Variants in DENND5A observed in about 807,000 individuals in gnomAD.
The protein encoded by DENND5A is DENN domain-containing protein 5A.
In DENND5A, 64 loss-of-function variants were observed where a neutral mutation model predicts 140.3. The ratio of observed to expected loss-of-function variants is 0.46; its 90% CI spans 0.37 to 0.56. DENND5A has a LOEUF of 0.56. Among genes scored for constraint, DENND5A ranks in the 20% least tolerant of loss-of-function variants. The pLI is 0.00. For synonymous variants in DENND5A, 605 were observed against 607.7 expected, an observed-to-expected ratio of 1.00 and a Z score of 0.07; for missense variants, 1,292 against 1,593.8, an observed-to-expected ratio of 0.81 and a Z score of 3.22.
intron 1 of DENND5A, among the ~76,000 whole-genome samples, chr11:9,228,503 C>A (rs577293786): frequency 2.5e-4 from 38 of 152,278 alleles, no homozygotes; most frequent in African/African-American, 8.4e-4. Context: ...AATCCTGGCA[C>A]TTTGGGAGGC....
At chr11:9,239,336 T>C (rs1851137660) in intron 1 of DENND5A, among the ~76,000 whole-genome samples, 2 of 112,560 alleles carry the variant, frequency 1.8e-5, no homozygotes, top group Admixed American at 8.7e-5. Context: ...CTGGCTAAAC[T>C]TTTTTTTTTT....
chr11:9,148,883 G>A (rs1564881795), intron 15 of DENND5A, among the ~76,000 whole-genome samples: 1 of 152,322 alleles, frequency 6.6e-6, no homozygotes, highest in Non-Finnish European at 1.5e-5. Context: ...TGAGAATTGG[G>A]TGAGATCACC....
In DENND5A at chr11:9,170,627, T is replaced by G; in HGVS notation, c.2057A>C (p.Lys686Thr). 1 of 1,613,774 alleles carries G rather than the reference T, an allele frequency of 6.2e-7. No individual in the cohort carries two copies. Among genetic ancestry groups the G allele is most frequent in the Non-Finnish European group, 8.5e-7 (1 of 1,179,948 alleles). Reference protein sequence around the residue: ...DVLSTGPASNKWTKRNAPAQW... With the variant: ...DVLSTGPASNTWTKRNAPAQW... ...TAGTGAATCCCTGGGGTTGACTCAC[T>G]TGTTGCTGGCTGGCCCAGTGGAAAG... Residue 686 changes from lysine (K) to threonine (T), a missense_variant and splice_region_variant, in exon 9 of 23, where the codon AAG becomes ACG. Lys to Thr is a moderately conservative substitution (Grantham distance 78). Around this residue, in one of 4 missense-constraint regions of DENND5A, gnomAD observed 199 missense variants for 189.1 expected, o/e 1.05. Transcript: ENST00000328194.
chr11:9,203,284 T>C (rs1849582727), intron 4 of DENND5A, among the ~76,000 whole-genome samples: 1 of 152,216 alleles, frequency 6.6e-6, no homozygotes, highest in Non-Finnish European at 1.5e-5. Flanking sequence ...TTATCCTTTG[T>C]GAATCCTCAA....
At chr11:9,221,964 G>T (rs10840190) in intron 1 of DENND5A, among the ~76,000 whole-genome samples, 3 of 151,320 alleles carry the variant, frequency 2.0e-5, no homozygotes, top group African/African-American at 7.3e-5. Context: ...TCACAGTGTT[G>T]GCCAGGATGG....
Position 9,196,548 on chromosome 11 carries a change from T to C in DENND5A, c.950-2867A>G, listed in dbSNP as rs140853043. The stretch of plus-strand genomic sequence containing the variant: ...CACACTTCGCTGTACACTCTTCTAA[T>C]GCTGTGAATTTCTACCCTTCATTTT... On this transcript the variant is annotated intron_variant, in intron 4 of 22. Coordinates refer to ENST00000328194, the MANE Select transcript of DENND5A (RefSeq NM_015213.4). 1.2e-4 allele frequency among the ~76,000 whole-genome samples: 19 copies of C among 152,330 alleles called. No homozygotes were observed. The East Asian group carries it at 3.7e-3, about 29-fold the overall frequency.
intron 21 of DENND5A, among the ~76,000 whole-genome samples, chr11:9,142,400 A>G (rs1195485969): frequency 6.6e-6 from 1 of 152,230 alleles, no homozygotes; most frequent in Non-Finnish European, 1.5e-5. Flanking sequence ...TGGGTGCAAC[A>G]CAGGGCTTGG....
intron 1 of DENND5A, among the ~76,000 whole-genome samples, chr11:9,263,281 C>T (rs951451255): frequency 1.3e-5 from 2 of 151,606 alleles, no homozygotes; most frequent in Non-Finnish European, 2.9e-5. Flanking sequence ...CCCAGACTGG[C>T]GCAATCTCAG....
Position 9,230,230 on chromosome 11 carries a change from C to CTT in DENND5A, c.110-22600_110-22599dup, listed in dbSNP as rs71062817. Among the ~76,000 whole-genome samples, 49 of 52,090 alleles carry CTT rather than the reference C, an allele frequency of 9.4e-4. 3 individuals are homozygous for CTT. Among genetic ancestry groups the CTT allele is most frequent in the African/African-American group, 3.2e-3 (35 of 10,988 alleles). 34.2% of individuals were successfully genotyped at this position (52,090 alleles called of 152,430 possible). ...GGCCCCATTTCATGTAAAACTAATG[C>CTT]TTTTTTTTTTTTTTTTTTTTTTTTT... On this transcript the variant is annotated intron_variant, in intron 1 of 22. Coordinates refer to ENST00000328194, the MANE Select transcript of DENND5A (RefSeq NM_015213.4).
In DENND5A at chr11:9,204,228, G is replaced by C. The variant is rs1216977394; in HGVS notation, c.381C>G (p.Gly127=). 1 of 1,613,934 alleles carries C rather than the reference G, an allele frequency of 6.2e-7. No homozygotes were observed. The highest frequency in any genetic ancestry group is 1.7e-5 in the Admixed American group (1 of 59,990). Residue 127 remains glycine (G), a synonymous_variant, in exon 4 of 23, where the codon GGC becomes GGG. Coordinates refer to ENST00000328194, the MANE Select transcript of DENND5A (RefSeq NM_015213.4). The part of the protein sequence containing the change: ...FHAFIITRED[G]SRTFGFALTF... ...TGAGGGCAAACCCAAATGTCCGAGA[G>C]CCATCCTCCCTTGTGATAATAAAGG...
chr11:9,157,743 T>C (rs189288375), intron 12 of DENND5A, among the ~76,000 whole-genome samples: 16 of 152,332 alleles, frequency 1.1e-4, no homozygotes, highest in Admixed American at 7.8e-4. Flanking sequence ...TTGATGGCCA[T>C]TTAGGTTGAT....
chr11:9,243,857 G>C (rs1039070338), intron 1 of DENND5A, among the ~76,000 whole-genome samples: 3 of 152,164 alleles, frequency 2.0e-5, no homozygotes, highest in Admixed American at 6.6e-5. Flanking sequence ...CTGCACTCCA[G>C]CCTGGGCGAC....
At chr11:9,220,539 C>G (rs1182417240) in intron 1 of DENND5A, among the ~76,000 whole-genome samples, 1 of 151,618 alleles carries the variant, frequency 6.6e-6, no homozygotes, top group African/African-American at 2.4e-5. Flanking sequence ...AAGAGCGAAA[C>G]TCTGTCTCAA....
chr11:9,160,641 G>A (rs1847947795), intron 12 of DENND5A, 72 bp downstream of exon 12: 1 of 1,430,632 alleles, frequency 7.0e-7, no homozygotes, highest in Non-Finnish European at 9.6e-7. Flanking sequence ...TGGACAAAAA[G>A]AGTGTGGGAA....
chr11:9,195,324 C>T (rs970110907), intron 4 of DENND5A, among the ~76,000 whole-genome samples: 2 of 152,094 alleles, frequency 1.3e-5, no homozygotes, highest in Admixed American at 6.6e-5. Context: ...GATCCGCCTG[C>T]CTCGGCCTCC....
intron 8 of DENND5A, among the ~76,000 whole-genome samples, chr11:9,177,673 C>G (rs1384823525): frequency 2.1e-5 from 3 of 146,240 alleles, no homozygotes; most frequent in African/African-American, 7.6e-5. Flanking sequence ...GAAAAAAGGG[C>G]AGAAAAGAAA....
intron 8 of DENND5A, among the ~76,000 whole-genome samples, chr11:9,174,169 G>A (rs1848475157): frequency 1.3e-5 from 2 of 149,062 alleles, no homozygotes; most frequent in South Asian, 4.3e-4. Flanking sequence ...ACACAAGAGG[G>A]CAGAAAAAGA....
rs1847292526 is a variant in DENND5A at position 9,142,863 on chromosome 11, G to A, written c.3388-18C>T. On this transcript the variant is annotated intron_variant, in intron 20 of 22. Transcript: ENST00000328194. ...CTGCCTCGCTACGTAAGGAAACAGG[G>A]GAGGGTGCCAGGCTTGTCTCAGCCG... 2.7e-5 allele frequency: 43 copies of A among 1,613,400 alleles called. No homozygotes were observed. The highest frequency in any genetic ancestry group is 3.6e-5 in the Non-Finnish European group (43 of 1,179,668).
At position 9,193,189 on chromosome 11, in the gene DENND5A, C is replaced by T. The variant is rs1027509; in HGVS notation, c.1137+305G>A. Among the ~76,000 whole-genome samples, 700 of 152,318 alleles carry T rather than the reference C, an allele frequency of 4.6e-3. 6 individuals carry two copies. The highest frequency in any genetic ancestry group is 0.016 in the African/African-American group (675 of 41,564). On this transcript the variant is annotated intron_variant, in intron 5 of 22. Transcript: ENST00000328194. ...GCTACAGTAAGCTACGATCATGCTA[C>T]TGCACCCAGCCTGGGTAACACAGCA...
Sources: allele counts gnomAD v4.1 joint callset (sites outside exome capture counted in the v4.1 genomes callset), GRCh38; gene constraint gnomAD v4.1.1; regional missense constraint gnomAD v4.1.1; transcripts MANE v1.5; gene names NCBI Gene and HGNC (gene_info 2026-07-23, HGNC 2026-07-21).